Variants in UNC13B observed in about 807,000 individuals in gnomAD.
The protein encoded by UNC13B is protein unc-13 homolog B.
A neutral mutation model predicts 211.0 loss-of-function variants in UNC13B; 144 were observed. The ratio of observed to expected loss-of-function variants is 0.68; its 90% CI spans 0.60 to 0.78. The LOEUF (loss-of-function observed/expected upper bound fraction) is 0.78. Among genes scored for constraint, UNC13B ranks in the 30% least tolerant of loss-of-function variants. The pLI, the probability that UNC13B is intolerant of heterozygous loss-of-function variation, is 0.00. For synonymous variants in UNC13B, 709 were observed against 725.8 expected, an observed-to-expected ratio of 0.98 and a Z score of 0.37; for missense variants, 1,777 against 2,002.0, an observed-to-expected ratio of 0.89 and a Z score of 2.14.
intron 7 of UNC13B, among the ~76,000 whole-genome samples, chr9:35,268,681 T>C (rs1384073738): frequency 1.3e-5 from 2 of 152,216 alleles, no homozygotes; most frequent in African/African-American, 4.8e-5. Context: ...TTCAGGTTAC[T>C]GCACAGCTGA....
chr9:35,280,700 G>A (rs1828435639), intron 7 of UNC13B, among the ~76,000 whole-genome samples: 1 of 152,078 alleles, frequency 6.6e-6, no homozygotes, highest in South Asian at 2.1e-4. Context: ...ATTACAATAT[G>A]GTTTGGCTGA....
chr9:35,404,016 A>G lies in UNC13B; in HGVS notation c.13006A>G (p.Thr4336Ala), dbSNP rs534190040. 8.5e-5 allele frequency: 137 copies of G among 1,613,424 alleles called. 5 individuals are homozygous for G. In the South Asian group the frequency reaches 1.5e-3, roughly 17 times the overall value. The change falls in exon 40 of 40, where the codon ACG becomes GCG. Residue 4336 changes from threonine (T) to alanine (A), a missense_variant. Coordinates refer to ENST00000635942, the MANE Select transcript of UNC13B (RefSeq NM_001371189.2). The stretch of plus-strand genomic sequence containing the variant: ...GAAACTCAAATCAGAGTCTCGTTCC[A>G]CGGAGGAGGGGAGCTGAACACCTTC... ...FVKLKSESRSTEEGS is the reference protein window; with the variant it reads ...FVKLKSESRSAEEGS
At position 35,307,977 on chromosome 9, in the gene UNC13B, C is replaced by A. The variant is rs937127592; in HGVS notation, c.8573C>A (p.Thr2858Lys). 3 of 398,942 alleles carry A rather than the reference C, an allele frequency of 7.5e-6. No individual in the cohort carries two copies. Among genetic ancestry groups the A allele is most frequent in the Non-Finnish European group, 1.3e-5 (3 of 226,092 alleles). The allele number at this position is 398,942 out of a possible 1,614,324, so 24.7% of individuals were successfully genotyped here. The part of the protein sequence containing the change: ...ENKGVPEQMP[T>K]ESSPPVLVTS... ...AAAGGGGTCCCTGAACAAATGCCTA[C>A]AGAATCCTCCCCTCCAGTTTTAGTT... Residue 2858 changes from threonine to lysine, a missense_variant, in exon 9 of 40, where the codon ACA becomes AAA. Physicochemically the swap from Thr to Lys is moderately conservative, Grantham distance 78 (BLOSUM62 -1). Coordinates refer to ENST00000635942, the MANE Select transcript of UNC13B (RefSeq NM_001371189.2).
intron 8 of UNC13B, among the ~76,000 whole-genome samples, chr9:35,297,566 T>C (rs1193753693): frequency 8.8e-5 from 13 of 147,822 alleles, no homozygotes; most frequent in Middle Eastern, 3.5e-3. Flanking sequence ...TTTTTTTTTT[T>C]TGAGACGGAG....
intron 26 of UNC13B, among the ~76,000 whole-genome samples, chr9:35,392,794 AAAAAT>A (rs201917852): frequency 0.024 from 3,623 of 151,598 alleles, 127 homozygotes; most frequent in African/African-American, 0.082. Context: ...AAGTATAATA[AAAAAT>A]AAAATAAAAT....
rs540183994 is a variant in UNC13B, at chr9:35,286,135, G to A, written c.527-9561G>A. Among the ~76,000 whole-genome samples, 13 of 151,990 alleles carry A rather than the reference G, an allele frequency of 8.6e-5. No individual in the cohort carries two copies. In the South Asian group the frequency reaches 2.5e-3, roughly 29 times the overall value. ...TCTCTTAGAATTTTATGGATACTAG[G>A]AATGTCTGTTGTTCTAATGAGGGAC... On this transcript the variant is annotated intron_variant, in intron 7 of 39. Coordinates refer to ENST00000635942, the MANE Select transcript of UNC13B (RefSeq NM_001371189.2).
intron 1 of UNC13B, among the ~76,000 whole-genome samples, chr9:35,217,520 C>G (rs1328947593): frequency 6.6e-6 from 1 of 151,886 alleles, no homozygotes; most frequent in African/African-American, 2.4e-5. Context: ...TCCCGAGTAG[C>G]TGGGACTACA....
At chr9:35,341,592 C>G (rs1831997468) in intron 11 of UNC13B, among the ~76,000 whole-genome samples, 1 of 152,020 alleles carries the variant, frequency 6.6e-6, no homozygotes, top group South Asian at 2.1e-4. Flanking sequence ...CTGTTTATAT[C>G]CTATAGCCCA....
intron 6 of UNC13B, among the ~76,000 whole-genome samples, chr9:35,252,818 T>C (rs1364537177): frequency 6.6e-6 from 1 of 151,954 alleles, no homozygotes; most frequent in Non-Finnish European, 1.5e-5. Context: ...TAGTCCCAGC[T>C]ACTTGGGAGG....
intron 6 of UNC13B, among the ~76,000 whole-genome samples, chr9:35,249,023 A>G (rs1826285506): frequency 6.6e-6 from 1 of 152,176 alleles, no homozygotes; most frequent in Non-Finnish European, 1.5e-5. Flanking sequence ...GACTTGCTTT[A>G]TGAATCTGGG....
intron 6 of UNC13B, among the ~76,000 whole-genome samples, chr9:35,252,066 G>T (rs1826525877): frequency 6.6e-6 from 1 of 152,072 alleles, no homozygotes; most frequent in South Asian, 2.1e-4. Context: ...TCTGGATTTT[G>T]CTGATTGTGT....
intron 10 of UNC13B, 90 bp downstream of exon 10, chr9:35,310,871 C>T: frequency 7.6e-7 from 1 of 1,307,406 alleles, no homozygotes; most frequent in African/African-American, 1.5e-5. Context: ...CATTTGTTTC[C>T]CTGCAGCTGG....
At chr9:35,258,485 CTT>C (rs1381841168) in intron 6 of UNC13B, among the ~76,000 whole-genome samples, 1 of 152,138 alleles carries the variant, frequency 6.6e-6, no homozygotes, top group East Asian at 1.9e-4. Context: ...GAGAGGAACT[CTT>C]ATAAATACCA....
intron 18 of UNC13B, 93 bp from the exon 19 acceptor site, chr9:35,381,007 T>C (rs1357857421): frequency 1.5e-5 from 19 of 1,240,750 alleles, no homozygotes; most frequent in Non-Finnish European, 2.1e-5. Context: ...TTCCTTGGGT[T>C]GGCCCCTTCT....
At chr9:35,217,205 T>C in intron 1 of UNC13B, among the ~76,000 whole-genome samples, 1 of 152,192 alleles carries the variant, frequency 6.6e-6, no homozygotes, top group Non-Finnish European at 1.5e-5. Context: ...TTAACTATTG[T>C]TGGGAACTAG....
At chr9:35,201,684 C>T (rs1013568418) in intron 1 of UNC13B, among the ~76,000 whole-genome samples, 15 of 151,890 alleles carry the variant, frequency 9.9e-5, no homozygotes, top group Non-Finnish European at 1.8e-4. Flanking sequence ...TGGTGATATC[C>T]CCTTTATCAT....
At chr9:35,385,951 C>G (rs1835161211) in intron 23 of UNC13B, 138 bp downstream of exon 23, 1 of 1,390,902 alleles carries the variant, frequency 7.2e-7, no homozygotes, top group Admixed American at 2.3e-5. Flanking sequence ...TACCTGTTCC[C>G]TGGGTTACTT....
intron 11 of UNC13B, among the ~76,000 whole-genome samples, chr9:35,322,279 C>T (rs562613039): frequency 2.0e-5 from 3 of 152,164 alleles, no homozygotes; most frequent in African/African-American, 4.8e-5. Flanking sequence ...CCTTATTTGG[C>T]TTAGCTGCAG....
At chr9:35,260,064 A>AAAAC (rs1827184342) in intron 7 of UNC13B, among the ~76,000 whole-genome samples, 2 of 149,526 alleles carry the variant, frequency 1.3e-5, no homozygotes, top group Non-Finnish European at 1.5e-5. Context: ...AAAAAAAAAA[A>AAAAC]CCAAGTGTGA....
Sources: allele counts gnomAD v4.1 joint callset (sites outside exome capture counted in the v4.1 genomes callset), GRCh38; gene constraint gnomAD v4.1.1; transcripts MANE v1.5; gene names NCBI Gene and HGNC (gene_info 2026-07-23, HGNC 2026-07-21).